The following MVB12B variants were observed in gnomAD, a reference collection of about 807,000 sequenced individuals.
MVB12B encodes the protein ESCRT-I complex subunit MVB12B.
A neutral mutation model predicts 41.6 loss-of-function variants in MVB12B; 16 were observed. The observed-to-expected ratio is 0.38, with a 90% CI of 0.26 to 0.58. The LOEUF is 0.58. Ranked by LOEUF, MVB12B falls within the 20% of genes least tolerant of loss-of-function variation. The pLI is 0.62. For missense variants in MVB12B, 274 were observed against 380.2 expected (o/e 0.72, Z 2.32); for synonymous variants, 133 against 139.7 (o/e 0.95, Z 0.34).
At chr9:126,352,425 T>A (rs1588096950) in intron 2 of MVB12B, among the ~76,000 whole-genome samples, 1 of 152,334 alleles carries the variant, frequency 6.6e-6, no homozygotes, top group African/African-American at 2.4e-5. Flanking sequence ...GAGCAATTAT[T>A]GTCTAAACAT....
chr9:126,457,794 T>C (rs1833013138), intron 7 of MVB12B, among the ~76,000 whole-genome samples: 1 of 152,136 alleles, frequency 6.6e-6, no homozygotes, highest in Admixed American at 6.5e-5. Context: ...AGGCAGAACA[T>C]TTAAAGGCCA....
intron 9 of MVB12B, among the ~76,000 whole-genome samples, chr9:126,496,395 TACCCACCCACTCACTC>T (rs1564352296): frequency 7.6e-6 from 1 of 132,012 alleles, no homozygotes; most frequent in Non-Finnish European, 1.6e-5. Context: ...TATCCACCCA[TACCCACCCACTCACTC>T]ACCCACCCAT....
At chr9:126,368,838 C>T (rs752323467) in intron 2 of MVB12B, among the ~76,000 whole-genome samples, 1 of 152,212 alleles carries the variant, frequency 6.6e-6, no homozygotes, top group Non-Finnish European at 1.5e-5. Flanking sequence ...TGACTTTTTT[C>T]TCTGCATTTA....
At chr9:126,382,251 T>C (rs892026774) in intron 3 of MVB12B, among the ~76,000 whole-genome samples, 2 of 152,124 alleles carry the variant, frequency 1.3e-5, no homozygotes, top group Non-Finnish European at 2.9e-5. Flanking sequence ...TTTCTGAATA[T>C]CGACCATCAT....
At chr9:126,361,418 T>G (rs915675709) in intron 2 of MVB12B, among the ~76,000 whole-genome samples, 21 of 152,254 alleles carry the variant, frequency 1.4e-4, no homozygotes, top group Non-Finnish European at 2.8e-4. Flanking sequence ...CACAATACAT[T>G]GTTATCATTT....
At chr9:126,471,420 G>T (rs1243116746) in intron 7 of MVB12B, among the ~76,000 whole-genome samples, 2 of 152,236 alleles carry the variant, frequency 1.3e-5, no homozygotes, top group East Asian at 3.8e-4. Context: ...GGACTCGGGA[G>T]GCTCCGGCAG....
intron 9 of MVB12B, among the ~76,000 whole-genome samples, chr9:126,492,052 A>G (rs1833742292): frequency 6.6e-6 from 1 of 151,450 alleles, no homozygotes. Flanking sequence ...CATGTTTATA[A>G]AAATGCAAAC....
intron 2 of MVB12B, among the ~76,000 whole-genome samples, chr9:126,341,435 C>T (rs1829441401): frequency 6.6e-6 from 1 of 152,210 alleles, no homozygotes; most frequent in African/African-American, 2.4e-5. Flanking sequence ...TTACTTTCCT[C>T]ACTTTGTTTG....
chr9:126,414,590 G>A (rs1465225875), intron 6 of MVB12B, among the ~76,000 whole-genome samples: 3 of 152,208 alleles, frequency 2.0e-5, no homozygotes, highest in Non-Finnish European at 4.4e-5. Context: ...AAGACCTACT[G>A]GGGAAGGTGC....
At chr9:126,334,216 G>A (rs769906583) in intron 1 of MVB12B, among the ~76,000 whole-genome samples, 3 of 152,156 alleles carry the variant, frequency 2.0e-5, no homozygotes, top group African/African-American at 7.2e-5. Flanking sequence ...CTTAGAGACC[G>A]GGAATGTAGG....
intron 9 of MVB12B, among the ~76,000 whole-genome samples, chr9:126,493,978 C>T (rs1467632365): frequency 6.6e-6 from 1 of 152,182 alleles, no homozygotes; most frequent in Non-Finnish European, 1.5e-5. Flanking sequence ...TGTCCGACAC[C>T]TCGGCAGGGA....
intron 2 of MVB12B, among the ~76,000 whole-genome samples, chr9:126,364,098 C>G (rs1210670255): frequency 6.6e-6 from 1 of 152,184 alleles, no homozygotes; most frequent in Non-Finnish European, 1.5e-5. Flanking sequence ...TGGCTCCTTT[C>G]TGTTTGGCCT....
In MVB12B at chr9:126,503,665, G is replaced by T; in HGVS notation, c.*402G>T. ...CACCTACCAGGGCAGACCCCACTAA[G>T]CCGTTGAGTCTCTTCCTGGAAGACC... On this transcript the variant is annotated 3_prime_UTR_variant, in exon 10 of 10. Coordinates refer to ENST00000361171, the MANE Select transcript of MVB12B (RefSeq NM_033446.3). 4.3e-6 allele frequency: 1 copy of T among 233,412 alleles called. No individual in the cohort carries two copies. Among genetic ancestry groups the T allele is most frequent in the South Asian group, 7.2e-5 (1 of 13,934 alleles). The allele number at this position is 233,412 out of a possible 1,614,324, so 14.5% of individuals were successfully genotyped here.
intron 6 of MVB12B, chr9:126,397,109 C>G: frequency 1.0e-6 from 1 of 985,522 alleles, no homozygotes; most frequent in Non-Finnish European, 1.2e-6. Context: ...TGGAGCAGCT[C>G]AAGTGTGGGC....
intron 2 of MVB12B, among the ~76,000 whole-genome samples, chr9:126,375,251 A>AT (rs1564296320): frequency 1.4e-5 from 2 of 141,886 alleles, no homozygotes; most frequent in Non-Finnish European, 3.1e-5. Flanking sequence ...ACAACCTTTT[A>AT]TTTTTTTCTT....
chr9:126,344,587 G>A (rs1829538662), intron 2 of MVB12B, among the ~76,000 whole-genome samples: 2 of 152,250 alleles, frequency 1.3e-5, no homozygotes, highest in Admixed American at 6.5e-5. Context: ...GGCAGCTGCT[G>A]CTCTGGCCTT....
chr9:126,361,493 C>T (rs1378168327), intron 2 of MVB12B, among the ~76,000 whole-genome samples: 2 of 152,088 alleles, frequency 1.3e-5, no homozygotes, highest in African/African-American at 4.8e-5. Context: ...TTATAGTTAT[C>T]CCTATGGTAC....
chr9:126,335,550 G>GA (rs1191207999), intron 1 of MVB12B: 8 of 485,990 alleles, frequency 1.6e-5, no homozygotes, highest in Non-Finnish European at 3.1e-5. Flanking sequence ...TTTGCCAGCA[G>GA]AAAGGTGTCA....
At chr9:126,490,988 A>C (rs540606817) in intron 9 of MVB12B, among the ~76,000 whole-genome samples, 1 of 152,292 alleles carries the variant, frequency 6.6e-6, no homozygotes, top group South Asian at 2.1e-4. Context: ...CTTGATTATA[A>C]TTGCTCTTAG....
Sources: gnomAD v4.1 joint callset for allele counts (sites outside exome capture counted in the v4.1 genomes callset) on GRCh38, gnomAD v4.1.1 for gene constraint, MANE v1.5 for transcripts, NCBI Gene and HGNC (gene_info 2026-07-23, HGNC 2026-07-21) for gene names.